The following IL1RAPL1 variants were observed in gnomAD, a reference collection of about 807,000 sequenced individuals.
IL1RAPL1 encodes interleukin-1 receptor accessory protein-like 1.
Under a neutral mutation model 48.4 loss-of-function variants are expected in IL1RAPL1, and 3 were observed. That is an observed-to-expected ratio of 0.06 (90% CI 0.03 to 0.16). The LOEUF (loss-of-function observed/expected upper bound fraction) is 0.16. Ranked by LOEUF, IL1RAPL1 falls within the 10% of genes least tolerant of loss-of-function variation. The pLI, the probability that IL1RAPL1 is intolerant of heterozygous loss-of-function variation, is 1.00. For missense variants in IL1RAPL1, 349 were observed against 530.6 expected (o/e 0.66, Z 3.36); for synonymous variants, 185 against 187.7 (o/e 0.99, Z 0.12).
chrX:29,652,643 C>T (rs1269366053), intron 5 of IL1RAPL1, among the ~76,000 whole-genome samples: 1 of 111,570 alleles, frequency 9.0e-6, no homozygotes, highest in Non-Finnish European at 1.9e-5. Context: ...AACCATTGTT[C>T]TGCTGTTACT....
chrX:28,960,637 A>G (rs1924743511), intron 2 of IL1RAPL1, among the ~76,000 whole-genome samples: 1 of 111,723 alleles, frequency 9.0e-6, no homozygotes, highest in Non-Finnish European at 1.9e-5. Context: ...TTTGCTACAC[A>G]TTGCTAGAGT....
At chrX:29,064,733 C>G (rs976381934) in intron 2 of IL1RAPL1, among the ~76,000 whole-genome samples, 1 of 110,880 alleles carries the variant, frequency 9.0e-6, no homozygotes, top group Non-Finnish European at 1.9e-5. Context: ...AGGCGCCCGC[C>G]ACCACACCTG....
intron 5 of IL1RAPL1, among the ~76,000 whole-genome samples, chrX:29,569,522 C>CCTAACT (rs1392569439): frequency 9.0e-6 from 1 of 110,782 alleles, no homozygotes; most frequent in African/African-American, 3.3e-5. Context: ...TTCATCAAGG[C>CCTAACT]CTAACTCTCT....
chrX:29,097,446 A>G (rs1015492969), intron 2 of IL1RAPL1, among the ~76,000 whole-genome samples: 4 of 112,051 alleles, frequency 3.6e-5, no homozygotes, highest in African/African-American at 9.7e-5. Context: ...GACAAGGTCT[A>G]TTTTCCAAAG....
intron 5 of IL1RAPL1, among the ~76,000 whole-genome samples, chrX:29,622,799 G>T (rs1924501724): frequency 9.0e-6 from 1 of 111,340 alleles, no homozygotes; most frequent in Non-Finnish European, 1.9e-5. Flanking sequence ...ACTATTAGAA[G>T]AAAATTGTGG....
At chrX:29,469,293 G>T (rs915840877) in intron 5 of IL1RAPL1, among the ~76,000 whole-genome samples, 1 of 111,978 alleles carries the variant, frequency 8.9e-6, no homozygotes, top group Non-Finnish European at 1.9e-5. Context: ...ATAATGTGCT[G>T]CATCATCAAT....
intron 5 of IL1RAPL1, among the ~76,000 whole-genome samples, chrX:29,624,983 T>A (rs967569707): frequency 1.8e-5 from 2 of 112,366 alleles, no homozygotes; most frequent in African/African-American, 3.2e-5. Flanking sequence ...GACCAGATAG[T>A]ACATATTTTA....
intron 5 of IL1RAPL1, among the ~76,000 whole-genome samples, chrX:29,467,150 C>A (rs1025724978): frequency 1.8e-5 from 2 of 111,464 alleles, no homozygotes; most frequent in Non-Finnish European, 3.8e-5. Context: ...TTTATTTGTC[C>A]CCCTGGAGTT....
At chrX:29,319,755 G>A (rs1932791661) in intron 3 of IL1RAPL1, among the ~76,000 whole-genome samples, 1 of 110,458 alleles carries the variant, frequency 9.1e-6, no homozygotes, top group Admixed American at 9.7e-5. Context: ...TGATATGAAT[G>A]CCATTTTGAT....
At chrX:29,261,042 A>C (rs1931849743) in intron 2 of IL1RAPL1, among the ~76,000 whole-genome samples, 1 of 108,748 alleles carries the variant, frequency 9.2e-6, no homozygotes, top group Admixed American at 1.0e-4. Context: ...AAATAAAATA[A>C]TATTTTTATT....
chrX:29,888,593 C>A (rs893973491), intron 6 of IL1RAPL1, among the ~76,000 whole-genome samples: 1 of 111,007 alleles, frequency 9.0e-6, no homozygotes, highest in Non-Finnish European at 1.9e-5. Context: ...CCTTTCATGA[C>A]CCTTTCAGTG....
At chrX:29,846,842 T>C (rs1300404887) in intron 6 of IL1RAPL1, among the ~76,000 whole-genome samples, 1 of 108,534 alleles carries the variant, frequency 9.2e-6, no homozygotes, top group African/African-American at 3.4e-5. Context: ...ATATGTACTC[T>C]GTATGCATAT....
chrX:29,665,460 G>A (rs1054584407), intron 5 of IL1RAPL1, among the ~76,000 whole-genome samples: 1 of 112,415 alleles, frequency 8.9e-6, no homozygotes, highest in African/African-American at 3.2e-5. Context: ...TACCATAGCT[G>A]CATTTGTTTT....
At chrX:29,496,294 A>G (rs776480975) in intron 5 of IL1RAPL1, among the ~76,000 whole-genome samples, 1 of 110,277 alleles carries the variant, frequency 9.1e-6, no homozygotes, top group South Asian at 3.9e-4. Flanking sequence ...TCCCCATCCA[A>G]ATCTCATGTT....
chrX:28,785,089 G>A (rs926177700), intron 1 of IL1RAPL1, among the ~76,000 whole-genome samples: 3 of 111,909 alleles, frequency 2.7e-5, no homozygotes, highest in Non-Finnish European at 5.6e-5. Flanking sequence ...TTTGTGTAAT[G>A]AAAAGACTGG....
intron 1 of IL1RAPL1, among the ~76,000 whole-genome samples, chrX:28,742,710 A>G (rs765856086): frequency 8.9e-6 from 1 of 111,925 alleles, no homozygotes; most frequent in Non-Finnish European, 1.9e-5. Context: ...TTCAACAGGC[A>G]CTTAAGGAGA....
At chrX:29,230,609 A>G (rs1270155190) in intron 2 of IL1RAPL1, among the ~76,000 whole-genome samples, 2 of 103,004 alleles carry the variant, frequency 1.9e-5, no homozygotes, top group Non-Finnish European at 3.9e-5. Flanking sequence ...ACAATCGTTT[A>G]TACTACTGAA....
At chrX:29,046,011 T>G (rs1926961529) in intron 2 of IL1RAPL1, among the ~76,000 whole-genome samples, 1 of 88,337 alleles carries the variant, frequency 1.1e-5, no homozygotes, top group Non-Finnish European at 2.1e-5. Context: ...TCTTCTTGCT[T>G]CTTTTTCTTC....
chrX:29,535,111 G>A (rs1291542735), intron 5 of IL1RAPL1, among the ~76,000 whole-genome samples: 3 of 77,668 alleles, frequency 3.9e-5, no homozygotes, highest in African/African-American at 5.3e-5. Flanking sequence ...TCCAGCCTGG[G>A]CAATGGAGTC....
Sources: gnomAD v4.1 joint callset for allele counts (sites outside exome capture counted in the v4.1 genomes callset) on GRCh38, gnomAD v4.1.1 for gene constraint, MANE v1.5 for transcripts, NCBI Gene and HGNC (gene_info 2026-07-23, HGNC 2026-07-21) for gene names.